Variants in NTNG2 observed in about 807,000 individuals in gnomAD.
The protein encoded by NTNG2 is netrin-G2.
In NTNG2, 15 loss-of-function variants were observed where a neutral mutation model predicts 47.6. The observed-to-expected ratio is 0.32, with a 90% confidence interval of 0.21 to 0.49. NTNG2 has a LOEUF of 0.49. NTNG2 is among the 20% of genes least tolerant of loss of function. NTNG2 has a pLI of 0.99. For missense variants in NTNG2, 578 were observed against 764.6 expected, an observed-to-expected ratio of 0.76 and a Z score of 2.88; for synonymous variants, 307 against 324.6, an observed-to-expected ratio of 0.95 and a Z score of 0.58.
rs924119748 is a variant in NTNG2, at chr9:132,243,542, C to G, written c.*1431C>G. On this transcript the variant is annotated 3_prime_UTR_variant, in exon 8 of 8. Transcript: ENST00000393229. ...CAGCCCTGGGGCCACACTTCCCCCT[C>G]GGTCCAGCCTCCTGTCCACCTATGT... 1 of 152,436 alleles carries G rather than the reference C, an allele frequency of 6.6e-6. No homozygotes were observed. Among genetic ancestry groups the G allele is most frequent in the Non-Finnish European group, 1.5e-5 (1 of 68,236 alleles). The allele number at this position is 152,436 out of a possible 1,614,324, so 9.4% of individuals were successfully genotyped here. A position where few individuals can be genotyped will look rare whatever the true frequency, so the allele number is the denominator to read the frequency against.
intron 2 of NTNG2, among the ~76,000 whole-genome samples, chr9:132,194,509 C>A (rs1300439186): frequency 6.6e-6 from 1 of 152,222 alleles, no homozygotes; most frequent in Admixed American, 6.5e-5. Flanking sequence ...TGGGAACCCC[C>A]CCGCCCCATG....
chr9:132,174,583 C>T (rs1417134494), intron 2 of NTNG2, among the ~76,000 whole-genome samples: 1 of 152,098 alleles, frequency 6.6e-6, no homozygotes, highest in Non-Finnish European at 1.5e-5. Flanking sequence ...AAGACGAGAC[C>T]AGGCGTGTGA....
At chr9:132,241,180 T>G (rs1589574541) in intron 7 of NTNG2, 136 bp downstream of exon 7, 11 of 579,422 alleles carry the variant, frequency 1.9e-5, no homozygotes, top group Admixed American at 1.1e-4. Context: ...GCCGGGGAAG[T>G]GGGTGGGGCC....
rs146343630 is a variant in NTNG2, at chr9:132,201,609, C to T, written c.857+3000C>T. Among the ~76,000 whole-genome samples the T allele has an allele frequency of 6.3e-3, 953 of 152,300 alleles. 6 individuals are homozygous for T. Among genetic ancestry groups the T allele is most frequent in the Non-Finnish European group, 0.011 (737 of 68,028 alleles). On this transcript the variant is annotated intron_variant, in intron 3 of 7. Transcript: ENST00000393229. ...GTTCCCAGGCTCTGGGATTTTACACCGATCCTGTTCTGGGGATTCCCTCAG... is the reference window on the plus strand; with the variant it reads ...GTTCCCAGGCTCTGGGATTTTACACTGATCCTGTTCTGGGGATTCCCTCAG...
intron 3 of NTNG2, among the ~76,000 whole-genome samples, chr9:132,200,756 G>A (rs949661583): frequency 2.0e-5 from 3 of 152,320 alleles, no homozygotes; most frequent in Non-Finnish European, 2.9e-5. Context: ...ACAGGGGCCC[G>A]TGGTTCTGAC....
intron 2 of NTNG2, among the ~76,000 whole-genome samples, chr9:132,177,170 A>C (rs550780832): frequency 1.3e-5 from 2 of 152,320 alleles, no homozygotes; most frequent in South Asian, 4.1e-4. Context: ...TGTTTTTAGT[A>C]GAGACAGGGT....
At chr9:132,228,177 C>T (rs934227572) in intron 4 of NTNG2, among the ~76,000 whole-genome samples, 3 of 152,350 alleles carry the variant, frequency 2.0e-5, no homozygotes, top group African/African-American at 7.2e-5. Context: ...GGGCATCCTC[C>T]CTCGACGGGT....
chr9:132,208,489 G>C lies in NTNG2; in HGVS notation c.857+9880G>C, dbSNP rs936225586. ...GCTGGAGGCCTGCAGGAGACTGGGCGGGCCCTACCAAGACTGACAGCAGCC... is the reference window on the plus strand; with the variant it reads ...GCTGGAGGCCTGCAGGAGACTGGGCCGGCCCTACCAAGACTGACAGCAGCC... On this transcript the variant is annotated intron_variant, in intron 3 of 7. Coordinates refer to ENST00000393229, the MANE Select transcript of NTNG2 (RefSeq NM_032536.4). This position sits in a 1 kb window ranked among gnomAD's most constrained non-coding sequence, Gnocchi z 4.0. 6.6e-6 allele frequency among the ~76,000 whole-genome samples: 1 copy of C among 152,120 alleles called. No homozygotes were observed. Among genetic ancestry groups the C allele is most frequent in the Admixed American group, 6.5e-5 (1 of 15,286 alleles).
chr9:132,215,464 C>T lies in NTNG2; in HGVS notation c.858-11385C>T, dbSNP rs894429147. Among the ~76,000 whole-genome samples, 1 of 142,374 alleles carries T rather than the reference C, an allele frequency of 7.0e-6. No homozygotes were observed. The highest frequency in any genetic ancestry group is 1.5e-5 in the Non-Finnish European group (1 of 65,306). 93.4% of individuals were successfully genotyped at this position (142,374 alleles called of 152,430 possible). Reference sequence around the variant, plus strand: ...GTGTGGTGGCGGGCGCCTGTAATCCCAGCTACTCGGGAGGCTGAGGCAGGA... The same window carrying T: ...GTGTGGTGGCGGGCGCCTGTAATCCTAGCTACTCGGGAGGCTGAGGCAGGA... On this transcript the variant is annotated intron_variant, in intron 3 of 7. Coordinates refer to ENST00000393229, the MANE Select transcript of NTNG2 (RefSeq NM_032536.4). The surrounding 1 kb of genome is among the most constrained non-coding windows in gnomAD (Gnocchi z 4.2).
At chr9:132,224,245 C>G (rs965760400) in intron 3 of NTNG2, among the ~76,000 whole-genome samples, 2 of 152,278 alleles carry the variant, frequency 1.3e-5, no homozygotes, top group East Asian at 1.9e-4. Context: ...TCCCCACCCC[C>G]CTGCACAGTT....
chr9:132,222,744 G>A (rs973714796), intron 3 of NTNG2, among the ~76,000 whole-genome samples: 9 of 152,144 alleles, frequency 5.9e-5, no homozygotes, highest in African/African-American at 1.4e-4. Flanking sequence ...GAGGAAAGGC[G>A]TCAGCTCAGA....
intron 2 of NTNG2, among the ~76,000 whole-genome samples, chr9:132,186,782 G>A (rs549522519): frequency 6.6e-6 from 1 of 152,256 alleles, no homozygotes; most frequent in Non-Finnish European, 1.5e-5. Context: ...CCCAGGCAGC[G>A]TCCTACCTGG....
At chr9:132,224,654 A>T (rs1840602593) in intron 3 of NTNG2, among the ~76,000 whole-genome samples, 1 of 152,216 alleles carries the variant, frequency 6.6e-6, no homozygotes, top group Non-Finnish European at 1.5e-5. Context: ...GGATTCTACT[A>T]AACCCATTGC....
At chr9:132,211,572 G>A (rs541571606) in intron 3 of NTNG2, among the ~76,000 whole-genome samples, 2 of 152,172 alleles carry the variant, frequency 1.3e-5, no homozygotes, top group African/African-American at 2.4e-5. Context: ...TGGGTCTCTC[G>A]GGCTGGCCTA....
At chr9:132,169,360 C>CT (rs1341394678) in intron 2 of NTNG2, among the ~76,000 whole-genome samples, 1 of 152,072 alleles carries the variant, frequency 6.6e-6, no homozygotes, top group African/African-American at 2.4e-5. Flanking sequence ...GGAGGGCTGG[C>CT]TTTGGAGGGC....
chr9:132,184,922 C>G (rs1386286634), intron 2 of NTNG2, among the ~76,000 whole-genome samples: 1 of 152,222 alleles, frequency 6.6e-6, no homozygotes. Flanking sequence ...AACTCTGTCT[C>G]AAAGAAAACA....
In NTNG2 at chr9:132,180,476, C is replaced by G. The variant is rs144998574; in HGVS notation, c.213+13432C>G. On this transcript the variant is annotated intron_variant, in intron 2 of 7. Transcript: ENST00000393229. This position sits in a 1 kb window ranked among gnomAD's most constrained non-coding sequence, Gnocchi z 4.2. ...CCCCTGTCCCCACCCAGGCAACATC[C>G]AAAACCTTTGCCCACAGTTCTGGGG... Among the ~76,000 whole-genome samples the G allele has an allele frequency of 3.7e-3, 569 of 152,364 alleles. 4 individuals are homozygous for G. The highest frequency in any genetic ancestry group is 0.017 in the Middle Eastern group (5 of 294).
rs1842147215 is a variant in NTNG2, at chr9:132,244,391, G to C, written c.*2280G>C. 6.6e-6 allele frequency: 1 copy of C among 152,322 alleles called. No homozygotes were observed. The highest frequency in any genetic ancestry group is 2.4e-5 in the African/African-American group (1 of 41,440). The allele number at this position is 152,322 out of a possible 1,614,324, so 9.4% of individuals were successfully genotyped here. ...GTTGAGGTCTCACTATGTTGCCCAG[G>C]CTGGTCTCAAACTCCTAGGCTCAAG... On this transcript the variant is annotated 3_prime_UTR_variant, in exon 8 of 8. Coordinates refer to ENST00000393229, the MANE Select transcript of NTNG2 (RefSeq NM_032536.4).
At chr9:132,190,232 C>CAAAAAAAAAA (rs58974463) in intron 2 of NTNG2, among the ~76,000 whole-genome samples, 1 of 69,928 alleles carries the variant, frequency 1.4e-5, no homozygotes, top group African/African-American at 5.6e-5. Flanking sequence ...GACTCCATCT[C>CAAAAAAAAAA]AAAAAAAAAA....
Sources: allele counts gnomAD v4.1 joint callset (sites outside exome capture counted in the v4.1 genomes callset), GRCh38; gene constraint gnomAD v4.1.1; non-coding constraint Gnocchi (gnomAD v3.1); transcripts MANE v1.5; gene names NCBI Gene and HGNC (gene_info 2026-07-23, HGNC 2026-07-21).